The following ARMH4 variants were observed in gnomAD, a reference collection of about 807,000 sequenced individuals.
ARMH4 encodes the protein armadillo like helical domain containing 4, also known as armadillo-like helical domain-containing protein 4.
A neutral mutation model predicts 61.9 loss-of-function variants in ARMH4; 49 were observed. That is an observed-to-expected ratio of 0.79 (90% confidence interval 0.63 to 1.00). The LOEUF (loss-of-function observed/expected upper bound fraction) is 1.00, where lower values mean the gene tolerates loss of function less well. ARMH4 is among the 50% of genes least tolerant of loss of function. ARMH4 has a pLI of 0.00. For missense variants in ARMH4, 934 were observed against 930.0 expected (o/e 1.00, Z -0.06); for synonymous variants, 368 against 341.5 (o/e 1.08, Z -0.85).
intron 6 of ARMH4, among the ~76,000 whole-genome samples, chr14:58,008,783 C>T (rs1171870488): frequency 6.6e-6 from 1 of 152,184 alleles, no homozygotes; most frequent in Non-Finnish European, 1.5e-5. Context: ...GATGCTGATG[C>T]TGCTAGTCCA....
rs762672545 is a variant in ARMH4, at chr14:58,138,870, G to C, written c.489C>G (p.Leu163=). ...PSLTVDEKEE[L]LTSTNFQPIV... is the part of the protein sequence containing the mutation. Reference sequence around the variant, plus strand: ...TGGGCTGAAAGTTAGTGCTTGTAAGGAGTTCCTCCTTTTCATCAACAGTCA... The same window carrying C: ...TGGGCTGAAAGTTAGTGCTTGTAAGCAGTTCCTCCTTTTCATCAACAGTCA... Residue 163 remains leucine, a synonymous_variant, in exon 2 of 8, where the codon CTC becomes CTG. Coordinates refer to ENST00000267485, the MANE Select transcript of ARMH4 (RefSeq NM_001001872.4). 6.2e-7 allele frequency: 1 copy of C among 1,614,096 alleles called. No homozygotes were observed. Among genetic ancestry groups the C allele is most frequent in the Non-Finnish European group, 8.5e-7 (1 of 1,180,044 alleles).
intron 1 of ARMH4, among the ~76,000 whole-genome samples, chr14:58,149,846 T>C (rs1467225370): frequency 1.3e-5 from 2 of 152,216 alleles, no homozygotes; most frequent in East Asian, 3.8e-4. Context: ...CAAAAGTAAA[T>C]TATCATGCAA....
intron 4 of ARMH4, chr14:58,101,542 T>C (rs1885976614): frequency 6.6e-6 from 1 of 152,216 alleles, no homozygotes; most frequent in Non-Finnish European, 1.5e-5. Flanking sequence ...CCAAAAATCT[T>C]AACCTTTTGT....
chr14:58,122,223 G>A (rs1007378271), intron 4 of ARMH4, among the ~76,000 whole-genome samples: 9 of 152,156 alleles, frequency 5.9e-5, no homozygotes, highest in Admixed American at 2.6e-4. Flanking sequence ...CCACACAGCA[G>A]CAACCAAAGG....
rs1454154854 is a variant in ARMH4, at chr14:58,000,945, T to C, written c.*3791A>G. ...ACGATATTGTTAACTATAGGCACTA[T>C]GTTATACAGCAGAGCTCTAGAACTT... On this transcript the variant is annotated 3_prime_UTR_variant, in exon 8 of 8. Coordinates refer to ENST00000267485, the MANE Select transcript of ARMH4 (RefSeq NM_001001872.4). 5.3e-5 allele frequency: 8 copies of C among 152,222 alleles called. No homozygotes were observed. The highest frequency in any genetic ancestry group is 3.9e-4 in the Admixed American group (6 of 15,280). The allele number at this position is 152,222 out of a possible 1,614,324, so 9.4% of individuals were successfully genotyped here.
chr14:58,104,202 G>A (rs1299820694), intron 4 of ARMH4, among the ~76,000 whole-genome samples: 2 of 152,118 alleles, frequency 1.3e-5, no homozygotes, highest in Non-Finnish European at 2.9e-5. Context: ...TTCTGAGTCA[G>A]AAAATAAAAC....
At chr14:58,125,165 A>G (rs779579613) in intron 4 of ARMH4, among the ~76,000 whole-genome samples, 3 of 152,150 alleles carry the variant, frequency 2.0e-5, no homozygotes, top group Non-Finnish European at 2.9e-5. Flanking sequence ...AAGAGCCACA[A>G]GGCAGGACCC....
At chr14:58,102,782 C>T in intron 4 of ARMH4, among the ~76,000 whole-genome samples, 1 of 124,488 alleles carries the variant, frequency 8.0e-6, no homozygotes, top group Non-Finnish European at 1.6e-5. Context: ...CTGCAGTCCG[C>T]AGTCCGGCCT....
chr14:58,039,803 C>G (rs1883622824), intron 5 of ARMH4, among the ~76,000 whole-genome samples: 1 of 152,146 alleles, frequency 6.6e-6, no homozygotes. Flanking sequence ...TCCTCATACA[C>G]AAAAGAGAAA....
At chr14:58,018,103 C>G (rs1381266045) in intron 5 of ARMH4, among the ~76,000 whole-genome samples, 1 of 152,144 alleles carries the variant, frequency 6.6e-6, no homozygotes, top group South Asian at 2.1e-4. Flanking sequence ...CCTCATCTCA[C>G]ACCATATACA....
Position 58,138,196 on chromosome 14 carries a change from CT to C in ARMH4, c.1162del (p.Arg388AspfsTer16), listed in dbSNP as rs769846220. On this transcript the variant is annotated frameshift_variant, in exon 2 of 8. Transcript: ENST00000267485. LOFTEE classifies it high-confidence loss of function. ...ACTTTGATCAGTGAAAGCAGGTGAT[CT>C]CTCATTCCCATGCGCTATTAGCAGG... ...TALLIAHGNERSPAFTDQSSF... is the reference protein window; with the variant it reads ...TALLIAHGNEXSPAFTDQSSF... 1 of 1,614,178 alleles carries C rather than the reference CT, an allele frequency of 6.2e-7. No homozygotes were observed. Among genetic ancestry groups the C allele is most frequent in the South Asian group, 1.1e-5 (1 of 91,082 alleles).
intron 5 of ARMH4, among the ~76,000 whole-genome samples, chr14:58,081,694 G>A (rs1026976808): frequency 3.3e-5 from 5 of 151,680 alleles, no homozygotes; most frequent in Non-Finnish European, 5.9e-5. Context: ...AGTGAAGATG[G>A]GGTTTCACCG....
chr14:58,128,873 A>G (rs767266150), intron 4 of ARMH4, among the ~76,000 whole-genome samples: 14 of 152,190 alleles, frequency 9.2e-5, no homozygotes, highest in Non-Finnish European at 1.8e-4. Flanking sequence ...CTTGGCATAC[A>G]TAATTAACAT....
chr14:58,118,225 T>C (rs1046476662), intron 4 of ARMH4, among the ~76,000 whole-genome samples: 1 of 152,196 alleles, frequency 6.6e-6, no homozygotes, highest in Admixed American at 6.5e-5. Context: ...CAGAATGATC[T>C]TTTTATCATA....
chr14:58,029,503 G>A (rs1594703024), intron 5 of ARMH4, among the ~76,000 whole-genome samples: 1 of 152,068 alleles, frequency 6.6e-6, no homozygotes, highest in East Asian at 1.9e-4. Context: ...CAAAGTGCTG[G>A]GATTACAGGT....
intron 4 of ARMH4, among the ~76,000 whole-genome samples, chr14:58,117,892 GA>G (rs1886584082): frequency 6.6e-6 from 1 of 151,026 alleles, no homozygotes; most frequent in Admixed American, 6.6e-5. Context: ...CTGAACAGCT[GA>G]GACTACAGGT....
At chr14:58,120,134 A>G (rs923686036) in intron 4 of ARMH4, among the ~76,000 whole-genome samples, 1 of 152,158 alleles carries the variant, frequency 6.6e-6, no homozygotes, top group East Asian at 1.9e-4. Context: ...CCTAGGCTCC[A>G]AACATGTACA....
At chr14:58,049,733 A>G (rs1463168440) in intron 5 of ARMH4, among the ~76,000 whole-genome samples, 1 of 152,170 alleles carries the variant, frequency 6.6e-6, no homozygotes, top group Non-Finnish European at 1.5e-5. Flanking sequence ...TAAAATAAAC[A>G]AAGGCATTAA....
At chr14:58,039,497 A>T (rs887226539) in intron 5 of ARMH4, among the ~76,000 whole-genome samples, 3 of 152,190 alleles carry the variant, frequency 2.0e-5, no homozygotes, top group Non-Finnish European at 4.4e-5. Flanking sequence ...ATTTCAGGAA[A>T]AGACTTTGCA....
Sources: allele counts gnomAD v4.1 joint callset (sites outside exome capture counted in the v4.1 genomes callset), GRCh38; gene constraint gnomAD v4.1.1; transcripts MANE v1.5; gene names NCBI Gene and HGNC (gene_info 2026-07-23, HGNC 2026-07-21).